Variants in CCSER1 observed in about 807,000 individuals in gnomAD.
CCSER1 encodes the protein coiled-coil serine rich protein 1, also known as serine-rich coiled-coil domain-containing protein 1.
A neutral mutation model predicts 82.0 loss-of-function variants in CCSER1; 41 were observed. The ratio of observed to expected loss-of-function variants is 0.50; its 90% CI spans 0.39 to 0.65. The LOEUF is 0.65. Among genes scored for constraint, CCSER1 ranks in the 30% least tolerant of loss-of-function variants. The pLI, the probability that CCSER1 is intolerant of heterozygous loss-of-function variation, is 0.00. For missense variants in CCSER1, 1,119 were observed against 1,064.2 expected (o/e 1.05, Z -0.72); for synonymous variants, 414 against 383.9 (o/e 1.08, Z -0.92).
chr4:90,892,429 G>A (rs569102330), intron 8 of CCSER1, among the ~76,000 whole-genome samples: 3 of 151,990 alleles, frequency 2.0e-5, no homozygotes, highest in Admixed American at 2.0e-4. Flanking sequence ...TCAGAAATTA[G>A]CATTACTACT....
chr4:90,398,940 G>C (rs1004145414), intron 3 of CCSER1, among the ~76,000 whole-genome samples: 2 of 152,080 alleles, frequency 1.3e-5, no homozygotes, highest in African/African-American at 4.8e-5. Flanking sequence ...AGTGTTCACT[G>C]TCTATTTGAA....
chr4:91,569,353 A>G (rs1005333964), intron 10 of CCSER1, among the ~76,000 whole-genome samples: 4 of 152,122 alleles, frequency 2.6e-5, no homozygotes, highest in Non-Finnish European at 4.4e-5. Context: ...TCCTGCCCCA[A>G]CTTGGAGGTA....
chr4:91,427,373 A>G (rs1754046220), intron 10 of CCSER1, among the ~76,000 whole-genome samples: 1 of 152,152 alleles, frequency 6.6e-6, no homozygotes, highest in African/African-American at 2.4e-5. Context: ...TGCTCTTTTC[A>G]AAAGCTTACC....
At chr4:90,736,816 G>C (rs1745727239) in intron 7 of CCSER1, among the ~76,000 whole-genome samples, 1 of 151,620 alleles carries the variant, frequency 6.6e-6, no homozygotes, top group African/African-American at 2.4e-5. Context: ...ATTTTCTCTG[G>C]TGGTATGTTC....
chr4:90,129,940 T>C (rs985026761), intron 1 of CCSER1, among the ~76,000 whole-genome samples: 2 of 152,220 alleles, frequency 1.3e-5, no homozygotes, highest in African/African-American at 4.8e-5. Context: ...AAAAATGTAA[T>C]TGATGAACTG....
At chr4:90,891,693 C>A (rs1378496745) in intron 8 of CCSER1, among the ~76,000 whole-genome samples, 1 of 151,928 alleles carries the variant, frequency 6.6e-6, no homozygotes, top group Non-Finnish European at 1.5e-5. Flanking sequence ...CTATATCTGG[C>A]ATTTATTTTC....
chr4:90,403,485 C>G (rs1299574065), intron 4 of CCSER1, among the ~76,000 whole-genome samples: 36 of 115,902 alleles, frequency 3.1e-4, no homozygotes, highest in Non-Finnish European at 5.3e-4. Context: ...GGCGACAGAG[C>G]GAGACTCCGT....
chr4:90,891,273 A>G (rs1329576092), intron 8 of CCSER1, among the ~76,000 whole-genome samples: 6 of 151,738 alleles, frequency 4.0e-5, no homozygotes, highest in African/African-American at 1.4e-4. Context: ...TATTCTATAT[A>G]CAAAGGGATA....
At chr4:91,411,194 C>G (rs576906214) in intron 10 of CCSER1, among the ~76,000 whole-genome samples, 1 of 151,796 alleles carries the variant, frequency 6.6e-6, no homozygotes. Flanking sequence ...AGAGCTGCAT[C>G]TGGAGAAAAG....
chr4:91,161,375 T>G (rs1731379890), intron 10 of CCSER1, among the ~76,000 whole-genome samples: 1 of 152,192 alleles, frequency 6.6e-6, no homozygotes, highest in Admixed American at 6.5e-5. Context: ...AGGGTTGTCT[T>G]GGCAATGTGG....
intron 3 of CCSER1, among the ~76,000 whole-genome samples, chr4:90,374,033 T>C (rs888898367): frequency 3.9e-5 from 6 of 152,210 alleles, no homozygotes; most frequent in African/African-American, 1.4e-4. Flanking sequence ...CCCAGGAGTC[T>C]TGTGGCTTTT....
At chr4:90,420,661 A>G (rs551548196) in intron 4 of CCSER1, among the ~76,000 whole-genome samples, 1 of 152,206 alleles carries the variant, frequency 6.6e-6, no homozygotes, top group South Asian at 2.1e-4. Context: ...TCTAAATCCA[A>G]TCAACAGTAG....
At chr4:91,594,952 T>TA (rs1427235472) in intron 10 of CCSER1, among the ~76,000 whole-genome samples, 1 of 151,918 alleles carries the variant, frequency 6.6e-6, no homozygotes, top group East Asian at 1.9e-4. Context: ...CTCAAACAAA[T>TA]ACACTTTCAA....
chr4:91,129,185 A>T (rs935944305), intron 10 of CCSER1, among the ~76,000 whole-genome samples: 1 of 152,092 alleles, frequency 6.6e-6, no homozygotes, highest in African/African-American at 2.4e-5. Flanking sequence ...TTTACCCAGT[A>T]AAAAACTTCT....
At chr4:91,282,173 A>C (rs1742962881) in intron 10 of CCSER1, among the ~76,000 whole-genome samples, 1 of 152,142 alleles carries the variant, frequency 6.6e-6, no homozygotes, top group Admixed American at 6.6e-5. Flanking sequence ...TGCATATCCC[A>C]GTTTAGAATC....
intron 7 of CCSER1, among the ~76,000 whole-genome samples, chr4:90,740,769 T>C (rs1171139047): frequency 1.3e-5 from 2 of 152,158 alleles, no homozygotes; most frequent in South Asian, 2.1e-4. Flanking sequence ...TTCTCCTGTT[T>C]TGGGGTTCTT....
intron 10 of CCSER1, among the ~76,000 whole-genome samples, chr4:91,291,406 C>T (rs193077220): frequency 4.6e-5 from 7 of 152,000 alleles, no homozygotes; most frequent in Non-Finnish European, 1.0e-4. Flanking sequence ...AAGAAACACC[C>T]GAGACTGGGG....
intron 10 of CCSER1, among the ~76,000 whole-genome samples, chr4:91,160,164 T>G (rs531096243): frequency 1.2e-4 from 19 of 152,278 alleles, no homozygotes; most frequent in Middle Eastern, 3.4e-3. Flanking sequence ...TCTGTCGTTG[T>G]GACAGTTTGC....
intron 10 of CCSER1, among the ~76,000 whole-genome samples, chr4:91,174,005 C>G (rs1467641573): frequency 6.6e-6 from 1 of 152,056 alleles, no homozygotes; most frequent in Non-Finnish European, 1.5e-5. Flanking sequence ...GTACACATAT[C>G]TATTGAAGAT....
Sources: gnomAD v4.1 joint callset for allele counts (sites outside exome capture counted in the v4.1 genomes callset) on GRCh38, gnomAD v4.1.1 for gene constraint, MANE v1.5 for transcripts, NCBI Gene and HGNC (gene_info 2026-07-23, HGNC 2026-07-21) for gene names.